NRG3: variants seen among roughly 807,000 people sequenced by gnomAD.
The protein encoded by NRG3 is pro-neuregulin-3, membrane-bound isoform.
A neutral mutation model predicts 66.9 loss-of-function variants in NRG3; 31 were observed. That is an observed-to-expected ratio of 0.46 (90% CI 0.35 to 0.63). NRG3 has a LOEUF of 0.63. NRG3 is among the 20% of genes least tolerant of loss of function. The pLI is 0.00. For missense variants in NRG3, 910 were observed against 878.9 expected (o/e 1.04, Z -0.45); for synonymous variants, 393 against 359.4 (o/e 1.09, Z -1.06).
chr10:82,683,341 A>G (rs2054261581), intron 2 of NRG3, among the ~76,000 whole-genome samples: 1 of 149,866 alleles, frequency 6.7e-6, no homozygotes, highest in Non-Finnish European at 1.5e-5. Flanking sequence ...TTCTTCCTCT[A>G]TCTCTTCCTC....
chr10:82,446,935 C>G (rs999472207), intron 2 of NRG3, among the ~76,000 whole-genome samples: 2 of 152,138 alleles, frequency 1.3e-5, no homozygotes, highest in Non-Finnish European at 2.9e-5. Flanking sequence ...AATCTATATA[C>G]CTGCTCCCAG....
chr10:82,575,561 C>T (rs968882391), intron 2 of NRG3, among the ~76,000 whole-genome samples: 16 of 151,612 alleles, frequency 1.1e-4, no homozygotes, highest in African/African-American at 3.1e-4. Context: ...GCAGGAGTGA[C>T]GTGATCAGAT....
intron 2 of NRG3, among the ~76,000 whole-genome samples, chr10:82,627,454 T>C (rs1439053427): frequency 6.6e-6 from 1 of 152,094 alleles, no homozygotes; most frequent in East Asian, 1.9e-4. Context: ...CACATCAGCT[T>C]ATATTTTTGC....
chr10:82,546,061 G>A (rs920365842), intron 2 of NRG3, among the ~76,000 whole-genome samples: 17 of 152,138 alleles, frequency 1.1e-4, no homozygotes, highest in African/African-American at 3.4e-4. Context: ...GAGCCACTGC[G>A]GCTGGCTTAT....
intron 2 of NRG3, among the ~76,000 whole-genome samples, chr10:82,642,058 C>T (rs1276077187): frequency 6.6e-6 from 1 of 152,028 alleles, no homozygotes; most frequent in Non-Finnish European, 1.5e-5. Context: ...TATCTATGTC[C>T]ACGTGTGCAT....
intron 2 of NRG3, among the ~76,000 whole-genome samples, chr10:82,693,450 A>G (rs969684090): frequency 1.4e-4 from 22 of 152,328 alleles, no homozygotes; most frequent in African/African-American, 5.3e-4. Flanking sequence ...CCTGAAGAGC[A>G]CTGGCACTGG....
intron 2 of NRG3, among the ~76,000 whole-genome samples, chr10:82,385,550 T>C (rs968678536): frequency 2.3e-4 from 35 of 152,284 alleles, no homozygotes; most frequent in African/African-American, 8.2e-4. Context: ...CTCATGGTTT[T>C]TCTTCTTCAC....
chr10:82,341,716 A>G (rs1433664479), intron 1 of NRG3, among the ~76,000 whole-genome samples: 1 of 152,108 alleles, frequency 6.6e-6, no homozygotes, highest in Non-Finnish European at 1.5e-5. Context: ...GTGATTTGGT[A>G]ACCCAATAGG....
At position 82,617,872 on chromosome 10, in the gene NRG3, A is replaced by G. The variant is rs533752015; in HGVS notation, c.954-120705A>G. Among the ~76,000 whole-genome samples the G allele has an allele frequency of 1.2e-4, 18 of 152,282 alleles. No homozygotes were observed. The East Asian group carries it at 3.5e-3, about 29-fold the overall frequency. ...CAAATGCGTCTAATGTGCTGTGAAG[A>G]TTCCTTAATTCTGATAATTCACTGC... On this transcript the variant is annotated intron_variant, in intron 2 of 8. Coordinates refer to ENST00000372141, the MANE Select transcript of NRG3 (RefSeq NM_001010848.4).
intron 2 of NRG3, among the ~76,000 whole-genome samples, chr10:82,424,860 A>G (rs1211964393): frequency 2.0e-5 from 3 of 151,944 alleles, no homozygotes; most frequent in African/African-American, 4.8e-5. Flanking sequence ...GGATGTGGGT[A>G]TCTAGTTGTC....
chr10:82,401,648 TA>T (rs1432759310), intron 2 of NRG3, among the ~76,000 whole-genome samples: 6 of 152,154 alleles, frequency 3.9e-5, no homozygotes, highest in Admixed American at 2.6e-4. Context: ...TTTTTAATAA[TA>T]GGGGCTATGG....
At position 82,985,187 on chromosome 10, in the gene NRG3, T is replaced by G; in HGVS notation, c.1673T>G (p.Leu558Trp). Residue 558 changes from leucine to tryptophan, a missense_variant, in exon 9 of 9, where the codon TTG (leucine) becomes TGG (tryptophan). By Grantham distance (61) the Leu-to-Trp change is moderately conservative (BLOSUM62 -2). Transcript: ENST00000372141. ...SRETNPYFNS[L>W]EQKDLVGYSS... ...GAGACAAACCCCTATTTTAATAGCT[T>G]GGAGCAAAAGGACCTGGTGGGCTAT... 1 of 1,614,156 alleles carries G rather than the reference T, an allele frequency of 6.2e-7. No individual in the cohort carries two copies. Among genetic ancestry groups the G allele is most frequent in the Non-Finnish European group, 8.5e-7 (1 of 1,180,010 alleles).
At chr10:82,338,172 T>C (rs188412767) in intron 1 of NRG3, among the ~76,000 whole-genome samples, 2 of 152,350 alleles carry the variant, frequency 1.3e-5, no homozygotes, top group African/African-American at 4.8e-5. Context: ...CAATTCTCTT[T>C]CTGATGTCAA....
At chr10:82,788,348 T>G (rs550026489) in intron 3 of NRG3, among the ~76,000 whole-genome samples, 5 of 152,134 alleles carry the variant, frequency 3.3e-5, no homozygotes, top group South Asian at 2.1e-4. Flanking sequence ...GGTGGGCAGA[T>G]CACCTGAGGT....
At chr10:82,295,448 G>A (rs962093835) in intron 1 of NRG3, among the ~76,000 whole-genome samples, 4 of 152,006 alleles carry the variant, frequency 2.6e-5, no homozygotes, top group African/African-American at 7.3e-5. Flanking sequence ...GTTATCGAGG[G>A]TACATTTTTA....
intron 1 of NRG3, chr10:82,225,551 T>C (rs964091530): frequency 5.3e-5 from 8 of 152,012 alleles, no homozygotes; most frequent in African/African-American, 1.7e-4. Flanking sequence ...CAAGAAAACA[T>C]GAGTAACACA....
At chr10:82,769,913 C>T (rs2059652700) in intron 3 of NRG3, among the ~76,000 whole-genome samples, 1 of 152,064 alleles carries the variant, frequency 6.6e-6, no homozygotes, top group Non-Finnish European at 1.5e-5. Context: ...TATTAATAAA[C>T]TTGCCAATTT....
intron 2 of NRG3, among the ~76,000 whole-genome samples, chr10:82,590,746 A>C (rs1261232921): frequency 6.6e-6 from 1 of 152,208 alleles, no homozygotes; most frequent in Non-Finnish European, 1.5e-5. Flanking sequence ...TTGATGCTCA[A>C]CATCAGGTAG....
chr10:81,911,808 G>A (rs1186706030), intron 1 of NRG3, among the ~76,000 whole-genome samples: 1 of 151,726 alleles, frequency 6.6e-6, no homozygotes, highest in Non-Finnish European at 1.5e-5. Flanking sequence ...CAAAGGTAAT[G>A]CAGTTAATCT....
Sources: gnomAD v4.1 joint callset for allele counts (sites outside exome capture counted in the v4.1 genomes callset) on GRCh38, gnomAD v4.1.1 for gene constraint, MANE v1.5 for transcripts, NCBI Gene and HGNC (gene_info 2026-07-23, HGNC 2026-07-21) for gene names.